The following ADGRA3 variants were observed in gnomAD, a reference collection of about 807,000 sequenced individuals.
ADGRA3 encodes the protein adhesion G protein-coupled receptor A3.
A neutral mutation model predicts 119.8 loss-of-function variants in ADGRA3; 56 were observed. That is an observed-to-expected ratio of 0.47 (90% CI 0.38 to 0.58). ADGRA3 has a LOEUF of 0.58. ADGRA3 is among the 20% of genes least tolerant of loss of function. ADGRA3 has a pLI of 0.00. For missense variants in ADGRA3, 1,516 were observed against 1,649.0 expected, an observed-to-expected ratio of 0.92 and a Z score of 1.40; for synonymous variants, 607 against 623.8, an observed-to-expected ratio of 0.97 and a Z score of 0.40.
At chr4:22,434,370 G>A (rs6448155) in intron 10 of ADGRA3, among the ~76,000 whole-genome samples, 92,777 of 151,722 alleles carry the variant, frequency 0.61, 30,898 homozygotes, top group Non-Finnish European at 0.74. Context: ...GTTTAGCCCA[G>A]TGTTTTCCTC....
chr4:22,515,972 C>G lies in ADGRA3; in HGVS notation c.-188G>C. The G allele has an allele frequency of 5.2e-6, 1 of 192,236 alleles. No homozygotes were observed. The highest frequency in any genetic ancestry group is 9.5e-6 in the Non-Finnish European group (1 of 104,774). 11.9% of individuals were successfully genotyped at this position (192,236 alleles called of 1,614,324 possible). On this transcript the variant is annotated 5_prime_UTR_variant, in exon 1 of 19. Coordinates refer to ENST00000334304, the MANE Select transcript of ADGRA3 (RefSeq NM_145290.4). ...GCGGCTGCGCTGGGCCTCTAGGGAG[C>G]CGGGGGTCACGGCCGCATGGGTCCC...
chr4:22,436,504 T>A lies in ADGRA3; in HGVS notation c.1223A>T (p.Asp408Val), dbSNP rs190663255. ...ATACTGACAGCGAGAATAATCATCA[T>A]CTGCCCAAAAGCCACCTCTATCACA... ...RRCDRGGFWA[D>V]DDYSRCQYAN... The change falls in exon 9 of 19, where the codon GAT becomes GTT. Residue 408 changes from aspartate (D) to valine (V), a missense_variant. This residue lies in a region of ADGRA3 where 428 missense variants were observed against 541.9 expected (regional missense o/e 0.79). Transcript: ENST00000334304. 1.4e-5 allele frequency: 23 copies of A among 1,613,160 alleles called. No homozygotes were observed. The highest frequency in any genetic ancestry group is 1.9e-5 in the Non-Finnish European group (23 of 1,179,862).
intron 16 of ADGRA3, chr4:22,393,864 G>A (rs933356349): frequency 6.6e-6 from 1 of 152,122 alleles, no homozygotes; most frequent in Non-Finnish European, 1.5e-5. Context: ...CAATTCATGG[G>A]ATATAATAGG....
chr4:22,449,345 A>T (rs949331506), intron 4 of ADGRA3, among the ~76,000 whole-genome samples: 1 of 152,062 alleles, frequency 6.6e-6, no homozygotes, highest in Admixed American at 6.6e-5. Context: ...TTATGAAGCT[A>T]TCCCATTTTA....
At chr4:22,419,383 T>G (rs1338891393) in intron 12 of ADGRA3, among the ~76,000 whole-genome samples, 1 of 152,216 alleles carries the variant, frequency 6.6e-6, no homozygotes, top group Non-Finnish European at 1.5e-5. Flanking sequence ...TTAACTAATT[T>G]TCTGTCACGA....
intron 14 of ADGRA3, among the ~76,000 whole-genome samples, chr4:22,409,257 AG>A (rs2109017868): frequency 6.6e-6 from 1 of 152,328 alleles, no homozygotes; most frequent in Non-Finnish European, 1.5e-5. Context: ...TCCACTTTGG[AG>A]AATTTGTCTC....
chr4:22,401,410 C>CG (rs759310865), intron 16 of ADGRA3, 21 bp downstream of exon 16: 1 of 1,563,524 alleles, frequency 6.4e-7, no homozygotes, highest in Non-Finnish European at 8.7e-7. Flanking sequence ...TTTTCCATTT[C>CG]GGTTTTTCAC....
intron 1 of ADGRA3, among the ~76,000 whole-genome samples, chr4:22,505,726 T>C (rs1481865921): frequency 6.6e-6 from 1 of 151,454 alleles, no homozygotes; most frequent in Non-Finnish European, 1.5e-5. Flanking sequence ...TAGAGGAAGA[T>C]GCAGATTAAA....
At chr4:22,469,574 T>C (rs1717785019) in intron 2 of ADGRA3, among the ~76,000 whole-genome samples, 1 of 152,220 alleles carries the variant, frequency 6.6e-6, no homozygotes, top group Non-Finnish European at 1.5e-5. Flanking sequence ...ACCACTTCTT[T>C]GAGTTCTCAA....
At chr4:22,513,130 G>C (rs937534195) in intron 1 of ADGRA3, among the ~76,000 whole-genome samples, 1 of 147,822 alleles carries the variant, frequency 6.8e-6, no homozygotes, top group South Asian at 2.2e-4. Context: ...TCTTCAGCCA[G>C]AACAACTTTC....
At chr4:22,431,509 G>A (rs28787887) in intron 10 of ADGRA3, among the ~76,000 whole-genome samples, 2,618 of 152,266 alleles carry the variant, frequency 0.017, 75 homozygotes, top group African/African-American at 0.06. Context: ...TGACTGCTCC[G>A]CTGTTGTGTG....
Position 22,388,699 on chromosome 4 carries a change from G to A in ADGRA3, c.2972C>T (p.Thr991Ile). 1.2e-6 allele frequency: 2 copies of A among 1,614,058 alleles called. No individual in the cohort carries two copies. Among genetic ancestry groups the A allele is most frequent in the Non-Finnish European group, 1.7e-6 (2 of 1,179,984 alleles). ...ISTSALENEH[T>I]FHSQLLGASL... ...GGCCCCCAAGAGCTGAGAATGAAAA[G>A]TGTGCTCATTTTCCAAGGCTGATGT... is the stretch of plus-strand genomic sequence containing the variant. Residue 991 changes from threonine (T) to isoleucine (I), a missense_variant, in exon 19 of 19, where the codon ACT becomes ATT. Coordinates refer to ENST00000334304, the MANE Select transcript of ADGRA3 (RefSeq NM_145290.4).
In ADGRA3 at chr4:22,388,437, G is replaced by C. The variant is rs764061080; in HGVS notation, c.3234C>G (p.Asn1078Lys). 6.2e-7 allele frequency: 1 copy of C among 1,614,098 alleles called. No individual in the cohort carries two copies. The highest frequency in any genetic ancestry group is 1.7e-5 in the Admixed American group (1 of 60,012). ...GTGCCTCTCCATTCGTCCCATTAGA[G>C]TTGGGGGGCTGGACGTTGACTTGCA... ...YSVQVNVQPP[N>K]SNGTNGEAPK... The change falls in exon 19 of 19, where the codon AAC (asparagine) becomes AAG (lysine). Residue 1078 changes from asparagine to lysine, a missense_variant. Physicochemically the swap from Asn to Lys is moderately conservative, Grantham distance 94. Coordinates refer to ENST00000334304, the MANE Select transcript of ADGRA3 (RefSeq NM_145290.4).
chr4:22,447,536 T>C lies in ADGRA3; in HGVS notation c.474-25A>G, dbSNP rs570672893. The C allele has an allele frequency of 3.4e-5, 45 of 1,327,970 alleles. No individual in the cohort carries two copies. In the East Asian group the frequency reaches 5.1e-4, roughly 15 times the overall value. The allele number at this position is 1,327,970 out of a possible 1,614,324, so 82.3% of individuals were successfully genotyped here. The stretch of plus-strand genomic sequence containing the variant: ...TCTGAAAGACAGAAAACAATTTCAC[T>C]TTTAAAAATACAATTATCTATCATT... On this transcript the variant is annotated intron_variant, in intron 4 of 18. Transcript: ENST00000334304.
chr4:22,468,760 C>A, intron 2 of ADGRA3, among the ~76,000 whole-genome samples: 1 of 146,546 alleles, frequency 6.8e-6, no homozygotes. Flanking sequence ...CAGAGTAAGA[C>A]TCTGTCTCAA....
chr4:22,497,833 G>A (rs1033733645), intron 1 of ADGRA3, among the ~76,000 whole-genome samples: 7 of 149,378 alleles, frequency 4.7e-5, no homozygotes, highest in Non-Finnish European at 1.0e-4. Flanking sequence ...TAATCCCAGC[G>A]CTTTGGGAGG....
chr4:22,388,809 C>A lies in ADGRA3; in HGVS notation c.2862G>T (p.Glu954Asp). 1.2e-6 allele frequency: 2 copies of A among 1,614,062 alleles called. No individual in the cohort carries two copies. The highest frequency in any genetic ancestry group is 1.7e-6 in the Non-Finnish European group (2 of 1,179,998). Residue 954 changes from glutamate (E) to aspartate (D), a missense_variant, in exon 19 of 19, where the codon GAG (glutamate) becomes GAT (aspartate). Around this residue, in one of 2 missense-constraint regions of ADGRA3, gnomAD observed 1,088 missense variants for 1,107.1 expected, o/e 0.98. Transcript: ENST00000334304. ...RHPERKYELK[E>D]PTEEQQRLAA... ...CCAATCTCTGTTGCTCCTCCGTGGG[C>A]TCCTTAAGCTCATATTTGCGCTCAG...
chr4:22,444,232 T>TTCA (rs1716741369), intron 6 of ADGRA3, among the ~76,000 whole-genome samples: 1 of 152,168 alleles, frequency 6.6e-6, no homozygotes, highest in Non-Finnish European at 1.5e-5. Flanking sequence ...CATACAAAGC[T>TTCA]GATCATTTCC....
rs1302310481 is a variant in ADGRA3, at chr4:22,435,430, G to A, written c.1324C>T (p.Arg442Ter). ...LNLTNAVATARQLLAYTVEAA... is the reference protein window; with the variant it reads ...LNLTNAVATA ...TCCACAGTGTAAGCCAGTAACTGTC[G>A]AGCTGTTGCCACGGCATTGGTAAGA... Residue 442 changes from arginine to a stop codon, truncating the protein, a stop_gained, in exon 10 of 19, where the codon CGA becomes TGA. Coordinates refer to ENST00000334304, the MANE Select transcript of ADGRA3 (RefSeq NM_145290.4). LOFTEE classifies it high-confidence loss of function. 12 of 1,607,214 alleles carry A rather than the reference G, an allele frequency of 7.5e-6. No homozygotes were observed. The highest frequency in any genetic ancestry group is 1.1e-5 in the South Asian group (1 of 90,330).
Sources: gnomAD v4.1 joint callset for allele counts (sites outside exome capture counted in the v4.1 genomes callset) on GRCh38, gnomAD v4.1.1 for gene constraint, gnomAD v4.1.1 regional missense constraint, MANE v1.5 for transcripts, NCBI Gene and HGNC (gene_info 2026-07-23, HGNC 2026-07-21) for gene names.